The following PDE7A variants were observed in gnomAD, a reference collection of about 807,000 sequenced individuals.
PDE7A encodes high affinity 3',5'-cyclic-AMP phosphodiesterase 7A.
Under a neutral mutation model 64.3 loss-of-function variants are expected in PDE7A, and 39 were observed. The ratio of observed to expected loss-of-function variants is 0.61; its 90% CI spans 0.47 to 0.79. PDE7A has a LOEUF of 0.79. Ranked by LOEUF, PDE7A falls within the 30% of genes least tolerant of loss-of-function variation. The probability of loss-of-function intolerance (pLI) is 0.00; values close to 1 mark genes in which losing one functional copy is unlikely to be tolerated. For synonymous variants in PDE7A, 203 were observed against 206.8 expected (o/e 0.98, Z 0.16); for missense variants, 470 against 582.8 (o/e 0.81, Z 1.99).
At chr8:65,758,101 C>G (rs1423511209) in intron 3 of PDE7A, among the ~76,000 whole-genome samples, 1 of 152,154 alleles carries the variant, frequency 6.6e-6, no homozygotes, top group African/African-American at 2.4e-5. Context: ...GGTTGTAATA[C>G]TAGTCTAGCA....
chr8:65,816,814 G>A (rs943371695), intron 1 of PDE7A, among the ~76,000 whole-genome samples: 8 of 152,168 alleles, frequency 5.3e-5, no homozygotes, highest in Non-Finnish European at 8.8e-5. Flanking sequence ...GTCTAGGCAT[G>A]GGTCTCTTTG....
intron 3 of PDE7A, among the ~76,000 whole-genome samples, chr8:65,773,569 C>A (rs768955344): frequency 2.6e-5 from 4 of 152,100 alleles, no homozygotes; most frequent in African/African-American, 4.8e-5. Context: ...TAATTTGAAC[C>A]ATTTTTTTGT....
intron 9 of PDE7A, 88 bp downstream of exon 9, chr8:65,726,787 A>T: frequency 1.4e-6 from 1 of 714,602 alleles, no homozygotes. Flanking sequence ...ACACCTGAAC[A>T]TAACAATTTT....
At chr8:65,752,643 G>T (rs2128909201) in intron 3 of PDE7A, among the ~76,000 whole-genome samples, 1 of 152,144 alleles carries the variant, frequency 6.6e-6, no homozygotes, top group South Asian at 2.1e-4. Flanking sequence ...ACCATTCTGG[G>T]TCATTTTTGC....
chr8:65,735,113 G>C (rs1046196709), intron 6 of PDE7A, among the ~76,000 whole-genome samples: 2 of 152,070 alleles, frequency 1.3e-5, no homozygotes, highest in Non-Finnish European at 2.9e-5. Context: ...AACAGACTAG[G>C]CTTCGGGGTG....
At chr8:65,835,711 G>C (rs1325013458) in intron 1 of PDE7A, among the ~76,000 whole-genome samples, 2 of 152,180 alleles carry the variant, frequency 1.3e-5, no homozygotes, top group African/African-American at 4.8e-5. Flanking sequence ...TAACTTCTGT[G>C]AAGGGCTTAA....
intron 3 of PDE7A, among the ~76,000 whole-genome samples, chr8:65,752,800 A>T (rs931765955): frequency 1.5e-4 from 23 of 152,114 alleles, no homozygotes; most frequent in Non-Finnish European, 3.1e-4. Context: ...AAACACCTTT[A>T]TGTGTTTTCT....
At chr8:65,754,323 T>A (rs549234162) in intron 3 of PDE7A, among the ~76,000 whole-genome samples, 1 of 152,218 alleles carries the variant, frequency 6.6e-6, no homozygotes, top group Admixed American at 6.5e-5. Context: ...GGTAACACCC[T>A]CACAGACACA....
At chr8:65,815,164 ATGG>A (rs1205102899) in intron 1 of PDE7A, among the ~76,000 whole-genome samples, 1 of 152,192 alleles carries the variant, frequency 6.6e-6, no homozygotes, top group East Asian at 1.9e-4. Flanking sequence ...ATTCACAGTA[ATGG>A]TGATGTTGAT....
chr8:65,718,129 G>A lies in PDE7A; in HGVS notation c.*1161C>T, dbSNP rs1198708374. The A allele has an allele frequency of 6.6e-6, 1 of 152,182 alleles. No individual in the cohort carries two copies. The highest frequency in any genetic ancestry group is 6.5e-5 in the Admixed American group (1 of 15,276). 9.4% of individuals were successfully genotyped at this position (152,182 alleles called of 1,614,324 possible). On this transcript the variant is annotated 3_prime_UTR_variant, in exon 13 of 13. Coordinates refer to ENST00000401827, the MANE Select transcript of PDE7A (RefSeq NM_001242318.3). ...GCTATGTGCATAGTTTAAGGCAACT[G>A]GAGCAATCTGTTACAGCTTACCTAC...
intron 1 of PDE7A, among the ~76,000 whole-genome samples, chr8:65,825,194 T>A (rs1450437424): frequency 6.6e-6 from 1 of 152,204 alleles, no homozygotes; most frequent in Non-Finnish European, 1.5e-5. Flanking sequence ...ATGGATGGTC[T>A]TTACTTCTTT....
intron 3 of PDE7A, among the ~76,000 whole-genome samples, chr8:65,755,369 T>G (rs1036133951): frequency 6.6e-6 from 1 of 152,202 alleles, no homozygotes; most frequent in Non-Finnish European, 1.5e-5. Flanking sequence ...TTGTTTTGTT[T>G]GTGCATCATT....
rs1806139334 is a variant in PDE7A at position 65,716,193 on chromosome 8, T to C, written c.*3097A>G. On this transcript the variant is annotated 3_prime_UTR_variant, in exon 13 of 13. Transcript: ENST00000401827. The stretch of plus-strand genomic sequence containing the variant: ...AGGGCTATAGAAGGTGATTCCCACA[T>C]ATACATAATAAAACAACTTTTCAAT... Among the ~76,000 whole-genome samples the C allele has an allele frequency of 1.3e-5, 2 of 150,008 alleles. No individual in the cohort carries two copies. The highest frequency in any genetic ancestry group is 1.3e-4 in the Admixed American group (2 of 15,066).
chr8:65,797,811 A>T (rs1809878615), intron 1 of PDE7A, among the ~76,000 whole-genome samples: 1 of 151,968 alleles, frequency 6.6e-6, no homozygotes, highest in Non-Finnish European at 1.5e-5. Context: ...AAATGAATAA[A>T]ATAAATTTTA....
At chr8:65,817,811 G>A (rs980205313) in intron 1 of PDE7A, among the ~76,000 whole-genome samples, 1 of 151,016 alleles carries the variant, frequency 6.6e-6, no homozygotes, top group African/African-American at 2.4e-5. Context: ...GGAGTGCAGC[G>A]GCGCTATCTC....
chr8:65,739,423 G>C, intron 6 of PDE7A, 79 bp downstream of exon 6: 1 of 1,415,192 alleles, frequency 7.1e-7, no homozygotes. Context: ...ATAGCTAACC[G>C]ATATAACTGA....
At chr8:65,799,592 G>A (rs1310525932) in intron 1 of PDE7A, among the ~76,000 whole-genome samples, 1 of 152,184 alleles carries the variant, frequency 6.6e-6, no homozygotes, top group Non-Finnish European at 1.5e-5. Flanking sequence ...GGAGAATAGA[G>A]AAATGTGACG....
At chr8:65,834,619 T>A (rs1810910906) in intron 1 of PDE7A, among the ~76,000 whole-genome samples, 1 of 152,202 alleles carries the variant, frequency 6.6e-6, no homozygotes, top group African/African-American at 2.4e-5. Context: ...AAAGCAGACT[T>A]TGCTGAAATT....
chr8:65,777,732 A>G (rs1261671418), intron 3 of PDE7A, among the ~76,000 whole-genome samples: 1 of 152,064 alleles, frequency 6.6e-6, no homozygotes, highest in African/African-American at 2.4e-5. Flanking sequence ...CTACCTTTTT[A>G]GTTTCTGTGG....
Sources: gnomAD v4.1 joint callset for allele counts (sites outside exome capture counted in the v4.1 genomes callset) on GRCh38, gnomAD v4.1.1 for gene constraint, MANE v1.5 for transcripts, NCBI Gene and HGNC (gene_info 2026-07-23, HGNC 2026-07-21) for gene names.